Variants in WDR1 observed in about 807,000 individuals in gnomAD.
WDR1 encodes the protein WD repeat-containing protein 1.
WDR1 carries 21 observed loss-of-function variants against 71.9 expected under a neutral mutation model. The ratio of observed to expected loss-of-function variants is 0.29; its 90% CI spans 0.21 to 0.42. The LOEUF is 0.42. Ranked by LOEUF, WDR1 falls within the 10% of genes least tolerant of loss-of-function variation. The pLI, the probability that WDR1 is intolerant of heterozygous loss-of-function variation, is 1.00. For missense variants in WDR1, 696 were observed against 824.5 expected (o/e 0.84, Z 1.91); for synonymous variants, 424 against 347.4 (o/e 1.22, Z -2.45).
intron 11 of WDR1, among the ~76,000 whole-genome samples, chr4:10,080,107 C>A (rs1160959071): frequency 6.6e-6 from 1 of 152,212 alleles, no homozygotes; most frequent in African/African-American, 2.4e-5. Context: ...AGACCTGGAG[C>A]CTGTCCCCTG....
chr4:10,091,584 G>C (rs1467528683), intron 5 of WDR1: 2 of 152,332 alleles, frequency 1.3e-5, no homozygotes, highest in Non-Finnish European at 1.5e-5. Context: ...GCTGGCTCCT[G>C]GGCCTTGGGC....
intron 2 of WDR1, among the ~76,000 whole-genome samples, chr4:10,112,738 G>T (rs1446815154): frequency 6.6e-6 from 1 of 152,204 alleles, no homozygotes; most frequent in African/African-American, 2.4e-5. Context: ...GACCTCAGTG[G>T]CTGCCTATTA....
In WDR1 at chr4:10,088,667, G is replaced by A. The variant is rs767473902; in HGVS notation, c.633C>T (p.Gly211=). 1 of 1,603,886 alleles carries A rather than the reference G, an allele frequency of 6.2e-7. No homozygotes were observed. Among genetic ancestry groups the A allele is most frequent in the Non-Finnish European group, 8.5e-7 (1 of 1,175,006 alleles). ...CAAAACCCATCCCAGTTCTTACCTG[G>A]CCGTCAGCACTGGCTGTGGCAAATC... ...GNRFATASAD[G]QIYIYDGKTG... The change falls in exon 6 of 15, where the codon GGC becomes GGT. Residue 211 remains glycine, a synonymous_variant. Transcript: ENST00000499869.
At position 10,114,887 on chromosome 4, in the gene WDR1, G is replaced by A. The variant is rs576531015; in HGVS notation, c.138+1226C>T. 8.9e-4 allele frequency among the ~76,000 whole-genome samples: 136 copies of A among 152,342 alleles called. 2 individuals carry two copies. Among genetic ancestry groups the A allele is most frequent in the Admixed American group, 1.1e-3 (17 of 15,308 alleles). On this transcript the variant is annotated intron_variant, in intron 2 of 14. Transcript: ENST00000499869. ...AGCTCTGTCTTCCAGCAGAGGAACA[G>A]CAGCGACTGCCTGGGTTAACGAGAC...
intron 1 of WDR1, 123 bp downstream of exon 1, chr4:10,116,528 C>G: frequency 1.3e-6 from 1 of 789,128 alleles, no homozygotes; most frequent in Non-Finnish European, 1.6e-6. Context: ...ACGCCTCCGG[C>G]CGGCGCCCGC....
chr4:10,099,180 T>TGGGGGGGGGG, intron 3 of WDR1, 41 bp from the exon 4 acceptor site: 1 of 173,730 alleles, frequency 5.8e-6, no homozygotes, highest in Non-Finnish European at 1.1e-5. Context: ...GAGGCGGTGG[T>TGGGGGGGGGG]GGGGTAAAGG....
intron 3 of WDR1, among the ~76,000 whole-genome samples, chr4:10,100,498 T>C (rs2109682116): frequency 6.6e-6 from 1 of 152,330 alleles, no homozygotes; most frequent in Non-Finnish European, 1.5e-5. Flanking sequence ...GATGCCTTGC[T>C]TGTGGGCAGA....
intron 3 of WDR1, among the ~76,000 whole-genome samples, 162 bp from the exon 4 acceptor site, chr4:10,099,301 A>T (rs1712550769): frequency 1.3e-5 from 2 of 152,200 alleles, no homozygotes; most frequent in South Asian, 4.1e-4. Context: ...TAGTGAAGAG[A>T]ACGTGTCTTA....
In WDR1 at chr4:10,083,042, G is replaced by A; in HGVS notation, c.1176C>T (p.Ser392=). The change falls in exon 10 of 15, where the codon AGC becomes AGT. Residue 392 remains serine, a synonymous_variant. Coordinates refer to ENST00000499869, the MANE Select transcript of WDR1 (RefSeq NM_017491.5). ...CTCACCTGTAGTCCCGCAGCATGAG[G>A]CTGGTGTACCGCACGGTGTCGTCCA... ...CSMDDTVRYT[S]LMLRDYSGQG... is the part of the protein sequence containing the mutation. 10 of 1,613,378 alleles carry A rather than the reference G, an allele frequency of 6.2e-6. No homozygotes were observed. Among genetic ancestry groups the A allele is most frequent in the Non-Finnish European group, 8.5e-6 (10 of 1,179,592 alleles).
chr4:10,109,370 T>A (rs1032426634), intron 2 of WDR1, among the ~76,000 whole-genome samples: 5 of 152,218 alleles, frequency 3.3e-5, no homozygotes, highest in African/African-American at 1.2e-4. Context: ...TCAGGGACCA[T>A]ATGTGGCGGC....
intron 6 of WDR1, 112 bp downstream of exon 6, chr4:10,088,552 G>A (rs774730048): frequency 2.3e-5 from 26 of 1,149,986 alleles, no homozygotes; most frequent in East Asian, 1.0e-4. Flanking sequence ...TGGGGAGGGC[G>A]ATGTCTAAGT....
intron 5 of WDR1, among the ~76,000 whole-genome samples, chr4:10,097,485 G>A (rs1712414192): frequency 6.6e-6 from 1 of 152,216 alleles, no homozygotes; most frequent in Non-Finnish European, 1.5e-5. Context: ...CCTAGGGCAG[G>A]GCCCTTCCTT....
chr4:10,107,623 G>A (rs1255824611), intron 2 of WDR1, among the ~76,000 whole-genome samples: 1 of 152,154 alleles, frequency 6.6e-6, no homozygotes, highest in African/African-American at 2.4e-5. Context: ...GCTGGCCCCA[G>A]ACCCCTTCCC....
intron 1 of WDR1, 24 bp downstream of exon 1, chr4:10,116,627 G>C: frequency 8.1e-7 from 1 of 1,233,688 alleles, no homozygotes; most frequent in South Asian, 3.1e-5. Flanking sequence ...CGGCCGCTCG[G>C]GGGCCCCGCG....
intron 14 of WDR1, 169 bp downstream of exon 14, chr4:10,077,135 A>T (rs73212830): frequency 0.19 from 188,130 of 971,916 alleles, 20,017 homozygotes; most frequent in Middle Eastern, 0.24. Flanking sequence ...CCAGCAGCGC[A>T]GCTGGTGTTT....
chr4:10,099,491 T>G (rs1271852797), intron 3 of WDR1, among the ~76,000 whole-genome samples: 1 of 152,268 alleles, frequency 6.6e-6, no homozygotes, highest in Non-Finnish European at 1.5e-5. Context: ...GGAAGTGGTT[T>G]AGTTTTCTCA....
At chr4:10,091,215 G>A (rs1328412912) in intron 5 of WDR1, among the ~76,000 whole-genome samples, 1 of 152,254 alleles carries the variant, frequency 6.6e-6, no homozygotes, top group African/African-American at 2.4e-5. Flanking sequence ...GTGTTTAAGC[G>A]CAGTTCTGCA....
At chr4:10,088,204 TTG>T in intron 7 of WDR1, 87 bp downstream of exon 7, 1 of 1,306,966 alleles carries the variant, frequency 7.7e-7, no homozygotes, top group Non-Finnish European at 1.1e-6. Flanking sequence ...TTTCAAGTTT[TTG>T]TCTAACTCCG....
At chr4:10,085,660 C>T (rs1210212649) in intron 8 of WDR1, among the ~76,000 whole-genome samples, 1 of 152,242 alleles carries the variant, frequency 6.6e-6, no homozygotes, top group Non-Finnish European at 1.5e-5. Flanking sequence ...TGCCCAGATG[C>T]CCACGGGTGT....
Sources: gnomAD v4.1 joint callset for allele counts (sites outside exome capture counted in the v4.1 genomes callset) on GRCh38, gnomAD v4.1.1 for gene constraint, MANE v1.5 for transcripts, NCBI Gene and HGNC (gene_info 2026-07-23, HGNC 2026-07-21) for gene names.